The following ARID1B variants were observed in gnomAD, a reference collection of about 807,000 sequenced individuals.
The protein encoded by ARID1B is AT-rich interactive domain-containing protein 1B.
A neutral mutation model predicts 212.3 loss-of-function variants in ARID1B; 30 were observed. That is an observed-to-expected ratio of 0.14 (90% CI 0.11 to 0.19). The LOEUF is 0.19. Among genes scored for constraint, ARID1B ranks in the 10% least tolerant of loss-of-function variants. ARID1B has a pLI of 1.00. For missense variants in ARID1B, 2,891 were observed against 3,204.0 expected (o/e 0.90, Z 2.36); for synonymous variants, 1,402 against 1,301.7 (o/e 1.08, Z -1.66).
At chr6:157,063,517 A>T (rs1263348958) in intron 4 of ARID1B, among the ~76,000 whole-genome samples, 1 of 152,188 alleles carries the variant, frequency 6.6e-6, no homozygotes, top group Non-Finnish European at 1.5e-5. Flanking sequence ...TTGTGCTATT[A>T]CTTGACTTGC....
chr6:156,896,857 G>A (rs989759288), intron 2 of ARID1B, among the ~76,000 whole-genome samples: 3 of 152,104 alleles, frequency 2.0e-5, no homozygotes, highest in Admixed American at 1.3e-4. Context: ...CCAGCCTGAC[G>A]ACAGAGCGAG....
At chr6:156,828,079 T>C (rs1425069282) in intron 1 of ARID1B, among the ~76,000 whole-genome samples, 4 of 150,042 alleles carry the variant, frequency 2.7e-5, no homozygotes, top group East Asian at 2.0e-4. Context: ...TTTTTTTTTT[T>C]CAAGAGACAG....
At chr6:156,845,135 T>C (rs538247042) in intron 2 of ARID1B, among the ~76,000 whole-genome samples, 1 of 135,696 alleles carries the variant, frequency 7.4e-6, no homozygotes, top group South Asian at 2.4e-4. Flanking sequence ...GTTCTTTTAA[T>C]TAGACCAGCC....
chr6:157,174,619 T>C (rs1791967346), intron 10 of ARID1B, among the ~76,000 whole-genome samples: 1 of 151,256 alleles, frequency 6.6e-6, no homozygotes, highest in South Asian at 2.1e-4. Context: ...GTACTGGCCT[T>C]CTCCAGCATC....
chr6:156,904,897 A>C (rs62434278), intron 3 of ARID1B, among the ~76,000 whole-genome samples: 10,338 of 152,292 alleles, frequency 0.068, 382 homozygotes, highest in Middle Eastern at 0.12. Flanking sequence ...TTTCATGTTT[A>C]GTCTTGGGTT....
At chr6:156,857,295 C>T (rs287913) in intron 2 of ARID1B, among the ~76,000 whole-genome samples, 33,541 of 152,086 alleles carry the variant, frequency 0.22, 4,003 homozygotes, top group Middle Eastern at 0.31. Flanking sequence ...TTCTGTCACC[C>T]GCAATTTCAA....
At chr6:157,098,758 C>T (rs1421629137) in intron 5 of ARID1B, among the ~76,000 whole-genome samples, 1 of 152,168 alleles carries the variant, frequency 6.6e-6, no homozygotes, top group Non-Finnish European at 1.5e-5. Flanking sequence ...ATTCACCTCC[C>T]CAGAGTCGGT....
At chr6:156,831,891 G>A (rs2128054668) in intron 2 of ARID1B, among the ~76,000 whole-genome samples, 1 of 152,312 alleles carries the variant, frequency 6.6e-6, no homozygotes, top group Admixed American at 6.5e-5. Flanking sequence ...GTAAGAAATT[G>A]AATATCCTGG....
At chr6:157,110,260 C>G (rs1786809731) in intron 5 of ARID1B, among the ~76,000 whole-genome samples, 1 of 152,170 alleles carries the variant, frequency 6.6e-6, no homozygotes, top group South Asian at 2.1e-4. Flanking sequence ...AACAACTTTT[C>G]AGCAAGTGTT....
At chr6:157,003,797 T>A (rs1310341734) in intron 4 of ARID1B, among the ~76,000 whole-genome samples, 4 of 152,154 alleles carry the variant, frequency 2.6e-5, no homozygotes, top group Non-Finnish European at 5.9e-5. Flanking sequence ...GAAACAGTCC[T>A]CCTGCCTCAG....
intron 10 of ARID1B, 57 bp from the exon 11 acceptor site, chr6:157,174,790 T>G: frequency 7.3e-7 from 1 of 1,370,860 alleles, no homozygotes. Context: ...TTTTGTTATT[T>G]TAAATAAAGT....
rs150714856 is a variant in ARID1B at position 156,959,662 on chromosome 6, G to C, written c.2247+24086G>C. ...TTTATGAGAAGTCTTCAGAAACTGTGACTGTGTAAAGGTTGAATTGTCTGA... is the reference window on the plus strand; with the variant it reads ...TTTATGAGAAGTCTTCAGAAACTGTCACTGTGTAAAGGTTGAATTGTCTGA... On this transcript the variant is annotated intron_variant, in intron 4 of 19. Coordinates refer to ENST00000636930, the MANE Select transcript of ARID1B (RefSeq NM_001374828.1). Among the ~76,000 whole-genome samples, 340 of 152,250 alleles carry C rather than the reference G, an allele frequency of 2.2e-3. 3 individuals are homozygous for C. The highest frequency in any genetic ancestry group is 2.8e-3 in the Non-Finnish European group (192 of 68,024).
intron 2 of ARID1B, among the ~76,000 whole-genome samples, chr6:156,862,644 GGT>G (rs1785413363): frequency 6.6e-6 from 1 of 152,190 alleles, no homozygotes; most frequent in South Asian, 2.1e-4. Flanking sequence ...AGTGATTGAT[GGT>G]ACAAGGCAAA....
intron 4 of ARID1B, among the ~76,000 whole-genome samples, chr6:156,968,512 G>C (rs1004013254): frequency 6.6e-6 from 1 of 152,168 alleles, no homozygotes; most frequent in Non-Finnish European, 1.5e-5. Context: ...CATTCTCATC[G>C]TCTTTTTCAT....
At chr6:157,150,272 A>T (rs555109184) in intron 8 of ARID1B, 70 of 152,314 alleles carry the variant, frequency 4.6e-4, no homozygotes, top group African/African-American at 1.6e-3. Flanking sequence ...TTGTGTGGTT[A>T]CAAAGCTACG....
At chr6:157,085,331 C>T (rs566488274) in intron 5 of ARID1B, among the ~76,000 whole-genome samples, 2 of 152,254 alleles carry the variant, frequency 1.3e-5, no homozygotes, top group African/African-American at 4.8e-5. Flanking sequence ...TTTCTACAGT[C>T]TATACTTATC....
intron 1 of ARID1B, among the ~76,000 whole-genome samples, chr6:156,814,626 AAATGCAACCATGAGCTT>A (rs1781833719): frequency 6.6e-6 from 1 of 152,164 alleles, no homozygotes; most frequent in African/African-American, 2.4e-5. Context: ...AGGATGTGGG[AAATGCAACCATGAGCTT>A]GCGGGAGAGA....
chr6:157,207,496 G>C lies in ARID1B; in HGVS notation c.6724G>C (p.Val2242Leu). 1 of 1,614,142 alleles carries C rather than the reference G, an allele frequency of 6.2e-7. No individual in the cohort carries two copies. The highest frequency in any genetic ancestry group is 1.1e-5 in the South Asian group (1 of 91,080). Residue 2242 changes from valine (V) to leucine (L), a missense_variant, in exon 20 of 20, where the codon GTT becomes CTT. Around this residue, in one of 7 missense-constraint regions of ARID1B, gnomAD observed 187 missense variants for 306.5 expected, o/e 0.61. Transcript: ENST00000636930. This position sits in a 1 kb window ranked among gnomAD's most constrained non-coding sequence, Gnocchi z 8.5. The part of the protein sequence containing the change: ...EKFYATLVRY[V>L]GDRKNPVCRE... Reference sequence around the variant, plus strand: ...ATTCTATGCTACATTAGTTAGGTACGTTGGGGATCGCAAAAACCCAGTCTG... The same window carrying C: ...ATTCTATGCTACATTAGTTAGGTACCTTGGGGATCGCAAAAACCCAGTCTG...
chr6:156,897,712 A>C (rs1006234084), intron 2 of ARID1B, among the ~76,000 whole-genome samples: 1 of 152,134 alleles, frequency 6.6e-6, no homozygotes, highest in African/African-American at 2.4e-5. Context: ...CAAAGCATGC[A>C]CTGGACAGTC....
Sources: gnomAD v4.1 joint callset for allele counts (sites outside exome capture counted in the v4.1 genomes callset) on GRCh38, gnomAD v4.1.1 for gene constraint, gnomAD v4.1.1 regional missense constraint, Gnocchi (gnomAD v3.1) non-coding constraint, MANE v1.5 for transcripts, NCBI Gene and HGNC (gene_info 2026-07-23, HGNC 2026-07-21) for gene names.